The following ADH1A variants were observed in gnomAD, a reference collection of about 807,000 sequenced individuals.
ADH1A encodes the protein alcohol dehydrogenase 1A (class I), alpha polypeptide, also known as alcohol dehydrogenase 1A.
ADH1A carries 29 observed loss-of-function variants against 35.2 expected under a neutral mutation model. That is an observed-to-expected ratio of 0.82 (90% CI 0.61 to 1.12). ADH1A has a LOEUF of 1.12. ADH1A is among the 50% of genes most tolerant of loss of function. The probability of loss-of-function intolerance (pLI) is 0.00; values close to 1 mark genes in which losing one functional copy is unlikely to be tolerated. For synonymous variants in ADH1A, 147 were observed against 164.8 expected (o/e 0.89, Z 0.83); for missense variants, 469 against 464.7 (o/e 1.01, Z -0.09).
At position 99,286,764 on chromosome 4, in the gene ADH1A, C is replaced by T. The variant is rs555488714; in HGVS notation, c.259+86G>A. 35 of 1,565,926 alleles carry T rather than the reference C, an allele frequency of 2.2e-5. No homozygotes were observed. The South Asian group carries it at 3.8e-4, about 17-fold the overall frequency. ...CGCGGTGACCTTGGTCAAGCCCTTT[C>T]GTCCCTCTTTGCCTCTGTTTCCTCA... On this transcript the variant is annotated intron_variant, in intron 3 of 8. Transcript: ENST00000209668.
At chr4:99,277,265 G>C (rs1732891451) in intron 8 of ADH1A, among the ~76,000 whole-genome samples, 4 of 151,970 alleles carry the variant, frequency 2.6e-5, no homozygotes, top group Admixed American at 2.6e-4. Context: ...AAAGACCTTT[G>C]ATACAGATAT....
chr4:99,286,830 C>G lies in ADH1A; in HGVS notation c.259+20G>C, dbSNP rs574630610. The G allele has an allele frequency of 1.1e-5, 17 of 1,612,112 alleles. No homozygotes were observed. The South Asian group carries it at 1.8e-4, about 17-fold the overall frequency. The stretch of plus-strand genomic sequence containing the variant: ...CTTAGGATGGTGAACCATCATGTTT[C>G]CTGAATGTGAATCCTGTACCTGGTT... On this transcript the variant is annotated intron_variant, in intron 3 of 8. Coordinates refer to ENST00000209668, the MANE Select transcript of ADH1A (RefSeq NM_000667.4).
chr4:99,289,372 G>A (rs1472940955), intron 1 of ADH1A, among the ~76,000 whole-genome samples: 1 of 152,144 alleles, frequency 6.6e-6, no homozygotes, highest in Non-Finnish European at 1.5e-5. Context: ...AGGATCCATT[G>A]ACTCAGTGAT....
intron 6 of ADH1A, 85 bp from the exon 7 acceptor site, chr4:99,280,364 A>G: frequency 6.3e-7 from 1 of 1,591,952 alleles, no homozygotes; most frequent in Non-Finnish European, 8.6e-7. Context: ...AATAGGCTTA[A>G]CTGGATTGTG....
intron 8 of ADH1A, among the ~76,000 whole-genome samples, chr4:99,277,089 A>G (rs760789661): frequency 6.6e-6 from 1 of 152,094 alleles, no homozygotes; most frequent in Non-Finnish European, 1.5e-5. Context: ...TTTAGAGATT[A>G]TAAACACTGA....
chr4:99,287,093 G>T, intron 2 of ADH1A, 105 bp from the exon 3 acceptor site: 1 of 1,390,436 alleles, frequency 7.2e-7, no homozygotes, highest in Non-Finnish European at 9.8e-7. Flanking sequence ...CAAGGGTTTT[G>T]CTAATAATCC....
chr4:99,290,687 T>C (rs1250350055), intron 1 of ADH1A, among the ~76,000 whole-genome samples: 1 of 152,224 alleles, frequency 6.6e-6, no homozygotes, highest in Non-Finnish European at 1.5e-5. Flanking sequence ...AGATACAGAT[T>C]CTATACATTC....
chr4:99,280,023 T>C, intron 7 of ADH1A, 121 bp downstream of exon 7: 1 of 1,416,542 alleles, frequency 7.1e-7, no homozygotes, highest in Non-Finnish European at 9.9e-7. Context: ...TTGGAGACTG[T>C]AGATAGAAAA....
At chr4:99,287,520 C>T in intron 2 of ADH1A, 44 bp downstream of exon 2, 1 of 1,576,534 alleles carries the variant, frequency 6.3e-7, no homozygotes, top group Non-Finnish European at 8.6e-7. Flanking sequence ...TTTAACTTTT[C>T]TGAGTTTTTA....
rs544120802 is a variant in ADH1A, at chr4:99,279,301, CTG to C, written c.1103+123_1103+124del. On this transcript the variant is annotated intron_variant, in intron 8 of 8. Coordinates refer to ENST00000209668, the MANE Select transcript of ADH1A (RefSeq NM_000667.4). ...CTCTTACAAGCTCTCCATGTAAAGA[CTG>C]AACTGGTAATGGAAGAACCAAGGCA... 912 of 1,261,222 alleles carry C rather than the reference CTG, an allele frequency of 7.2e-4. 2 individuals carry two copies. Among genetic ancestry groups the C allele is most frequent in the Non-Finnish European group, 8.9e-4 (837 of 939,044 alleles). 78.1% of individuals were successfully genotyped at this position (1,261,222 alleles called of 1,614,324 possible).
intron 6 of ADH1A, among the ~76,000 whole-genome samples, chr4:99,281,012 A>T (rs1271919687): frequency 6.6e-6 from 1 of 152,216 alleles, no homozygotes; most frequent in Non-Finnish European, 1.5e-5. Context: ...GAGACCAGAC[A>T]TCCTCAGAAC....
rs1322529699 is a variant in ADH1A, at chr4:99,286,926, T to TG, written c.182dup (p.Leu62ThrfsTer8). On this transcript the variant is annotated frameshift_variant, in exon 3 of 9. Transcript: ENST00000209668. LOFTEE classifies it high-confidence loss of function. ...CCTCATGGCCTAAAATCACAGGAAG[T>TG]GGGGTCACCATGGTACCACTAACCA... is the stretch of plus-strand genomic sequence containing the variant. 1.2e-6 allele frequency: 2 copies of TG among 1,614,148 alleles called. No individual in the cohort carries two copies. The highest frequency in any genetic ancestry group is 3.3e-5 in the Admixed American group (2 of 60,016).
intron 3 of ADH1A, among the ~76,000 whole-genome samples, chr4:99,285,556 AG>A (rs768053481): frequency 1.5e-4 from 23 of 152,302 alleles, no homozygotes; most frequent in Non-Finnish European, 3.1e-4. Flanking sequence ...CTAACTAATT[AG>A]TTACTATTAG....
At chr4:99,280,007 G>A in intron 7 of ADH1A, 137 bp downstream of exon 7, 2 of 1,264,540 alleles carry the variant, frequency 1.6e-6, no homozygotes, top group Non-Finnish European at 2.3e-6. Context: ...TCCATATCTA[G>A]TTGATTTGGA....
intron 8 of ADH1A, among the ~76,000 whole-genome samples, chr4:99,277,722 A>C (rs959872772): frequency 6.6e-6 from 1 of 152,090 alleles, no homozygotes; most frequent in Non-Finnish European, 1.5e-5. Flanking sequence ...AGAATTTCCC[A>C]ATAATGTCAT....
intron 8 of ADH1A, 117 bp from the exon 9 acceptor site, chr4:99,276,765 C>A: frequency 1.1e-6 from 1 of 933,470 alleles, no homozygotes; most frequent in Non-Finnish European, 1.7e-6. Context: ...ACTCTAATCC[C>A]ACCCCCATGC....
chr4:99,289,902 G>A (rs1449292150), intron 1 of ADH1A, among the ~76,000 whole-genome samples: 1 of 152,130 alleles, frequency 6.6e-6, no homozygotes, highest in Non-Finnish European at 1.5e-5. Context: ...GGTGGAATAA[G>A]AACAGTAACA....
intron 7 of ADH1A, among the ~76,000 whole-genome samples, chr4:99,279,876 T>G (rs1016380760): frequency 4.6e-5 from 7 of 151,838 alleles, no homozygotes; most frequent in Middle Eastern, 3.4e-3. Flanking sequence ...TAGATTTCTG[T>G]GTCTTACTAG....
chr4:99,279,563 G>C lies in ADH1A; in HGVS notation c.966C>G (p.Gly322=), dbSNP rs774937457. The part of the protein sequence containing the change: ...GRTWKGAILG[G]FKSKECVPKL... Reference sequence around the variant, plus strand: ...TTGGGACACATTCTTTACTTTTAAAGCCTGAAAAGAAGATGGTATCATTGT... The same window carrying C: ...TTGGGACACATTCTTTACTTTTAAACCCTGAAAAGAAGATGGTATCATTGT... Residue 322 remains glycine (G), a splice_region_variant and synonymous_variant, in exon 8 of 9, where the codon GGC becomes GGG. Transcript: ENST00000209668. The C allele has an allele frequency of 1.2e-6, 2 of 1,607,416 alleles. No homozygotes were observed. The highest frequency in any genetic ancestry group is 3.4e-5 in the Admixed American group (2 of 58,660).
Sources: gnomAD v4.1 joint callset for allele counts (sites outside exome capture counted in the v4.1 genomes callset) on GRCh38, gnomAD v4.1.1 for gene constraint, MANE v1.5 for transcripts, NCBI Gene and HGNC (gene_info 2026-07-23, HGNC 2026-07-21) for gene names.